Variants in CYP2J2 observed in about 807,000 individuals in gnomAD.
The protein encoded by CYP2J2 is cytochrome P450 2J2.
CYP2J2 carries 41 observed loss-of-function variants against 48.8 expected under a neutral mutation model. The ratio of observed to expected loss-of-function variants is 0.84; its 90% CI spans 0.66 to 1.09. The LOEUF (loss-of-function observed/expected upper bound fraction) is 1.09. CYP2J2 is among the 50% of genes least tolerant of loss of function. The pLI is 0.00. For missense variants in CYP2J2, 644 were observed against 617.3 expected, an observed-to-expected ratio of 1.04 and a Z score of -0.46; for synonymous variants, 221 against 227.1, an observed-to-expected ratio of 0.97 and a Z score of 0.24.
At chr1:59,964,542 G>A in the CYP2J2 span, among the ~76,000 whole-genome samples, 1 of 152,222 alleles carries the variant, frequency 6.6e-6, no homozygotes. Context: ...CTAATTTGCA[G>A]AGATGGCATG....
At chr1:59,966,842 A>G in the CYP2J2 span, among the ~76,000 whole-genome samples, 46 of 152,260 alleles carry the variant, frequency 3.0e-4, no homozygotes, top group Non-Finnish European at 5.3e-4. Flanking sequence ...CACCCATATC[A>G]CTAAACCGAA....
chr1:59,962,259 A>G, the CYP2J2 span, among the ~76,000 whole-genome samples: 5 of 152,188 alleles, frequency 3.3e-5, no homozygotes, highest in Non-Finnish European at 7.3e-5. Flanking sequence ...CATTGAGTCA[A>G]TGGGACAAAC....
chr1:59,942,833 A>G, the CYP2J2 span, among the ~76,000 whole-genome samples: 1 of 152,224 alleles, frequency 6.6e-6, no homozygotes, highest in South Asian at 2.1e-4. Flanking sequence ...GATAATAACA[A>G]TCATATCTTT....
chr1:59,960,724 T>C, the CYP2J2 span, among the ~76,000 whole-genome samples: 264 of 152,250 alleles, frequency 1.7e-3, 8 homozygotes, highest in East Asian at 0.047. Flanking sequence ...AGGCCTGTAA[T>C]CCCAGCTACT....
At chr1:59,956,663 C>T in the CYP2J2 span, among the ~76,000 whole-genome samples, 3 of 152,082 alleles carry the variant, frequency 2.0e-5, no homozygotes, top group African/African-American at 7.2e-5. Flanking sequence ...AACTGATATT[C>T]ATGATCTAAA....
At chr1:59,930,997 C>T (rs985521073), upstream of CYP2J2, among the ~76,000 whole-genome samples, 6 of 152,086 alleles carry the variant, frequency 3.9e-5, no homozygotes, top group African/African-American at 1.4e-4. Context: ...GGTTTCCAGT[C>T]CAGTGTGAAT....
intron 8 of CYP2J2, among the ~76,000 whole-genome samples, chr1:59,900,433 G>C (rs1398310529): frequency 6.6e-6 from 1 of 152,184 alleles, no homozygotes; most frequent in Non-Finnish European, 1.5e-5. Flanking sequence ...AGGAGTTCGA[G>C]ACCAGCCTGG....
chr1:59,916,860 G>C lies in CYP2J2; in HGVS notation c.211-760C>G, dbSNP rs568745818. Among the ~76,000 whole-genome samples, 36 of 152,122 alleles carry C rather than the reference G, an allele frequency of 2.4e-4. No individual in the cohort carries two copies. The South Asian group carries it at 7.5e-3, about 32-fold the overall frequency. ...TGTCTCAGCCACTTAAGAAGGCTGA[G>C]ACATGATTAGTGTTAATCTGGTGTA... On this transcript the variant is annotated intron_variant, in intron 1 of 8. Transcript: ENST00000371204.
At chr1:59,942,828 TAAC>T in the CYP2J2 span, among the ~76,000 whole-genome samples, 1 of 152,240 alleles carries the variant, frequency 6.6e-6, no homozygotes, top group South Asian at 2.1e-4. Flanking sequence ...ATAATGATAA[TAAC>T]AATCATATCT....
chr1:59,961,751 G>A, the CYP2J2 span, among the ~76,000 whole-genome samples: 5 of 152,198 alleles, frequency 3.3e-5, no homozygotes, highest in African/African-American at 9.6e-5. Context: ...TATTAAAAAT[G>A]TGTCATATCC....
chr1:59,894,666 T>G (rs528840301), intron 8 of CYP2J2, among the ~76,000 whole-genome samples: 65 of 152,224 alleles, frequency 4.3e-4, no homozygotes, highest in Non-Finnish European at 5.7e-4. Flanking sequence ...GATGAGAACT[T>G]TATATATTGT....
Position 59,909,917 on chromosome 1 carries a change from G to T in CYP2J2, c.728C>A (p.Pro243His). 6.2e-7 allele frequency: 1 copy of T among 1,609,128 alleles called. No homozygotes were observed. Among genetic ancestry groups the T allele is most frequent in the South Asian group, 1.1e-5 (1 of 89,884 alleles). Residue 243 changes from proline to histidine, a missense_variant, in exon 5 of 9, where the codon CCC (proline) becomes CAC (histidine). Transcript: ENST00000371204. ...FPWIMKFLPGPHQTLFSNWKK... is the reference protein window; with the variant it reads ...FPWIMKFLPGHHQTLFSNWKK... The stretch of plus-strand genomic sequence containing the variant: ...CCAGTTGCTGAAGAGAGTTTGGTGG[G>T]GTCCAGGCAGGAATTTCATTATCCA...
the CYP2J2 span, among the ~76,000 whole-genome samples, chr1:59,960,020 C>T: frequency 6.6e-6 from 1 of 152,056 alleles, no homozygotes; most frequent in Non-Finnish European, 1.5e-5. Context: ...TAGCCAAATG[C>T]CACCTGCTCC....
intron 8 of CYP2J2, among the ~76,000 whole-genome samples, chr1:59,896,679 C>T (rs773512303): frequency 1.4e-4 from 21 of 152,100 alleles, no homozygotes; most frequent in Non-Finnish European, 2.8e-4. Flanking sequence ...CTACATTACC[C>T]CACACAAGTC....
chr1:59,910,141 A>G (rs764827978), intron 4 of CYP2J2, among the ~76,000 whole-genome samples, 181 bp from the exon 5 acceptor site: 1 of 152,146 alleles, frequency 6.6e-6, no homozygotes, highest in African/African-American at 2.4e-5. Context: ...TCTGTCAAAA[A>G]TATATCCAGC....
chr1:59,915,262 A>G (rs948319759), intron 2 of CYP2J2, among the ~76,000 whole-genome samples: 6 of 152,084 alleles, frequency 3.9e-5, no homozygotes, highest in Admixed American at 3.9e-4. Context: ...CCCTGGGCCC[A>G]CTTTTCTTTC....
chr1:59,944,166 A>T, the CYP2J2 span, among the ~76,000 whole-genome samples: 6 of 152,302 alleles, frequency 3.9e-5, no homozygotes, highest in South Asian at 8.3e-4. Context: ...GAGCATTGGT[A>T]TTGTGTCTAG....
the CYP2J2 span, among the ~76,000 whole-genome samples, chr1:59,946,980 T>C: frequency 2.2e-5 from 3 of 137,764 alleles, no homozygotes; most frequent in African/African-American, 9.8e-5. Context: ...AAAAACTAAT[T>C]TAATTTGAGG....
intron 1 of CYP2J2, among the ~76,000 whole-genome samples, chr1:59,925,098 T>C (rs573500973): frequency 2.0e-5 from 3 of 152,210 alleles, no homozygotes; most frequent in African/African-American, 7.2e-5. Flanking sequence ...TAAGAAGACA[T>C]GATAATCTTA....
Sources: gnomAD v4.1 joint callset for allele counts (sites outside exome capture counted in the v4.1 genomes callset) on GRCh38, gnomAD v4.1.1 for gene constraint, MANE v1.5 for transcripts, NCBI Gene and HGNC (gene_info 2026-07-23, HGNC 2026-07-21) for gene names.